NR3C2: variants seen among roughly 807,000 people sequenced by gnomAD.
NR3C2 encodes the protein nuclear receptor subfamily 3 group C member 2, also known as mineralocorticoid receptor.
A neutral mutation model predicts 86.4 loss-of-function variants in NR3C2; 15 were observed. The observed-to-expected ratio is 0.17, with a 90% confidence interval of 0.12 to 0.27. NR3C2 has a LOEUF of 0.27. Among genes scored for constraint, NR3C2 ranks in the 10% least tolerant of loss-of-function variants. The pLI, the probability that NR3C2 is intolerant of heterozygous loss-of-function variation, is 1.00. For synonymous variants in NR3C2, 458 were observed against 450.5 expected (o/e 1.02, Z -0.21); for missense variants, 960 against 1,195.6 (o/e 0.80, Z 2.91).
rs762122304 is a variant in NR3C2 at position 148,436,299 on chromosome 4, G to A, written c.562C>T (p.His188Tyr). The A allele has an allele frequency of 1.9e-6, 3 of 1,614,158 alleles. No individual in the cohort carries two copies. The highest frequency in any genetic ancestry group is 2.5e-6 in the Non-Finnish European group (3 of 1,180,008). ...RAVVKSPIMC[H>Y]EKSPSVCSPL... ...CTGCAAACAGACGGGCTTTTCTCAT[G>A]ACACATGATAGGGCTTTTAACAACG... Residue 188 changes from histidine to tyrosine, a missense_variant, in exon 2 of 9, where the codon CAT becomes TAT. By Grantham distance (83) the His-to-Tyr change is moderately conservative. Around this residue, in one of 4 missense-constraint regions of NR3C2, gnomAD observed 680 missense variants for 719.0 expected, o/e 0.95. Transcript: ENST00000358102.
chr4:148,157,387 C>T (rs1734449081), intron 4 of NR3C2, among the ~76,000 whole-genome samples: 1 of 151,962 alleles, frequency 6.6e-6, no homozygotes, highest in Non-Finnish European at 1.5e-5. Flanking sequence ...TATAAATTAA[C>T]TAATTTAATA....
intron 2 of NR3C2, among the ~76,000 whole-genome samples, chr4:148,301,741 A>G (rs996360119): frequency 6.6e-6 from 1 of 152,204 alleles, no homozygotes; most frequent in Non-Finnish European, 1.5e-5. Flanking sequence ...CACTTGTAAC[A>G]TATTTAACAG....
chr4:148,303,892 A>T (rs1434600056), intron 2 of NR3C2, among the ~76,000 whole-genome samples: 2 of 152,202 alleles, frequency 1.3e-5, no homozygotes, highest in Non-Finnish European at 2.9e-5. Flanking sequence ...TCCACTCCCT[A>T]GATCCCCCTG....
chr4:148,227,820 A>G (rs1738251928), intron 3 of NR3C2, among the ~76,000 whole-genome samples: 1 of 152,090 alleles, frequency 6.6e-6, no homozygotes, highest in African/African-American at 2.4e-5. Context: ...GTCCTTTTGA[A>G]ATACCTCCAT....
At chr4:148,442,906 C>CG (rs1750424430), upstream of NR3C2, 1 of 985,228 alleles carries the variant, frequency 1.0e-6, no homozygotes, top group Non-Finnish European at 1.2e-6. Flanking sequence ...CGGAAGAAGT[C>CG]GGTTTTTCCG....
At chr4:148,438,673 CTAAA>C (rs72645693) in intron 1 of NR3C2, among the ~76,000 whole-genome samples, 111 of 152,172 alleles carry the variant, frequency 7.3e-4, no homozygotes, top group Admixed American at 1.2e-3. Flanking sequence ...AATAATGCTA[CTAAA>C]TAAATTTGCA....
chr4:148,307,060 G>A (rs1396266857), intron 2 of NR3C2, among the ~76,000 whole-genome samples: 1 of 151,518 alleles, frequency 6.6e-6, no homozygotes, highest in East Asian at 1.9e-4. Context: ...ACACTTTAGT[G>A]TTTTTAAATT....
chr4:148,377,858 A>G (rs781092202), intron 2 of NR3C2, among the ~76,000 whole-genome samples: 3 of 152,170 alleles, frequency 2.0e-5, no homozygotes, highest in Non-Finnish European at 2.9e-5. Flanking sequence ...GGATATAAGC[A>G]TTAGGGCCTC....
intron 2 of NR3C2, among the ~76,000 whole-genome samples, chr4:148,338,216 C>G (rs1210542867): frequency 2.0e-5 from 3 of 152,128 alleles, no homozygotes; most frequent in Non-Finnish European, 4.4e-5. Context: ...TAATGTAACT[C>G]ACAAAACTCA....
intron 2 of NR3C2, among the ~76,000 whole-genome samples, chr4:148,289,264 A>AT (rs1741683120): frequency 1.0e-5 from 1 of 97,564 alleles, no homozygotes; most frequent in Admixed American, 1.5e-4. Context: ...TACTTTTAAT[A>AT]TTTACAGCCA....
chr4:148,277,738 A>T (rs1469462909), intron 2 of NR3C2, among the ~76,000 whole-genome samples: 1 of 152,214 alleles, frequency 6.6e-6, no homozygotes, highest in African/African-American at 2.4e-5. Flanking sequence ...ATTTAAAATA[A>T]TCTGTACCTC....
chr4:148,288,188 A>G (rs1741624834), intron 2 of NR3C2, among the ~76,000 whole-genome samples: 1 of 152,200 alleles, frequency 6.6e-6, no homozygotes, highest in African/African-American at 2.4e-5. Flanking sequence ...TTTTAGGTAA[A>G]TTCAAACTAC....
At position 148,436,808 on chromosome 4, in the gene NR3C2, C is replaced by T. The variant is rs770059383; in HGVS notation, c.53G>A (p.Arg18Gln). The T allele has an allele frequency of 2.4e-5, 38 of 1,612,802 alleles. No individual in the cohort carries two copies. The highest frequency in any genetic ancestry group is 8.8e-5 in the South Asian group (8 of 91,034). Reference protein sequence around the residue: ...SLPEGLDMERRWGQVSQAVER... With the variant: ...SLPEGLDMERQWGQVSQAVER... ...CACAGCCTGAGAAACTTGACCCCAC[C>T]GTCTTTCCATATCTAGACCTTCAGG... The change falls in exon 2 of 9, where the codon CGG (arginine) becomes CAG (glutamine). Residue 18 changes from arginine to glutamine, a missense_variant. Arg to Gln is a conservative substitution (Grantham distance 43). Transcript: ENST00000358102.
At chr4:148,324,364 TG>T (rs1482899960) in intron 2 of NR3C2, among the ~76,000 whole-genome samples, 5 of 71,776 alleles carry the variant, frequency 7.0e-5, no homozygotes, top group Non-Finnish European at 1.2e-4. Flanking sequence ...TGTGTGTGTG[TG>T]TTTGTGTGTG....
In NR3C2 at chr4:148,362,115, G is replaced by A. The variant is rs557100727; in HGVS notation, c.1757+72989C>T. ...AGGCCACCCATAGTGCTGGGATTATGGGCGTGAGCCACCACACCCAGCCCC... is the reference window on the plus strand; with the variant it reads ...AGGCCACCCATAGTGCTGGGATTATAGGCGTGAGCCACCACACCCAGCCCC... On this transcript the variant is annotated intron_variant, in intron 2 of 8. Transcript: ENST00000358102. Among the ~76,000 whole-genome samples, 74 of 152,280 alleles carry A rather than the reference G, an allele frequency of 4.9e-4. 1 individual carries two copies. In the South Asian group the frequency reaches 0.015, roughly 30 times the overall value.
intron 6 of NR3C2, among the ~76,000 whole-genome samples, chr4:148,151,983 C>T (rs1381574207): frequency 1.3e-5 from 2 of 152,154 alleles, no homozygotes; most frequent in Admixed American, 1.3e-4. Flanking sequence ...AACAGTTTGG[C>T]TTCTTTTATG....
chr4:148,441,032 C>T (rs1377698800), intron 1 of NR3C2, among the ~76,000 whole-genome samples: 4 of 152,208 alleles, frequency 2.6e-5, no homozygotes, highest in Admixed American at 2.0e-4. Flanking sequence ...TCATTCCCCA[C>T]TACATAACTA....
intron 2 of NR3C2, among the ~76,000 whole-genome samples, chr4:148,418,710 T>C (rs894417351): frequency 1.2e-4 from 19 of 152,218 alleles, no homozygotes; most frequent in African/African-American, 4.1e-4. Flanking sequence ...AAGATTTGTA[T>C]TGAGCACTCT....
intron 4 of NR3C2, among the ~76,000 whole-genome samples, chr4:148,179,090 A>G (rs1030239640): frequency 1.3e-5 from 2 of 151,742 alleles, no homozygotes; most frequent in African/African-American, 4.8e-5. Flanking sequence ...GTGACCTGAA[A>G]TAATGTAACA....
Sources: allele counts gnomAD v4.1 joint callset (sites outside exome capture counted in the v4.1 genomes callset), GRCh38; gene constraint gnomAD v4.1.1; regional missense constraint gnomAD v4.1.1; transcripts MANE v1.5; gene names NCBI Gene and HGNC (gene_info 2026-07-23, HGNC 2026-07-21).